RNF43: variants seen among roughly 807,000 people sequenced by gnomAD.
The protein encoded by RNF43 is ring finger protein 43.
In RNF43, 37 loss-of-function variants were observed where a neutral mutation model predicts 78.4. That is an observed-to-expected ratio of 0.47 (90% confidence interval 0.36 to 0.62). RNF43 has a LOEUF of 0.62. RNF43 is among the 20% of genes least tolerant of loss of function. The pLI is 0.00. For missense variants in RNF43, 774 were observed against 1,007.9 expected, an observed-to-expected ratio of 0.77 and a Z score of 3.14; for synonymous variants, 347 against 395.0, an observed-to-expected ratio of 0.88 and a Z score of 1.44.
intron 2 of RNF43, among the ~76,000 whole-genome samples, chr17:58,395,288 T>C (rs1427607250): frequency 6.6e-6 from 1 of 152,212 alleles, no homozygotes; most frequent in Non-Finnish European, 1.5e-5. Flanking sequence ...AATGGAAAGA[T>C]GATTGTCAAT....
chr17:58,368,248 T>C (rs1972997318), intron 3 of RNF43, among the ~76,000 whole-genome samples: 1 of 152,108 alleles, frequency 6.6e-6, no homozygotes, highest in Non-Finnish European at 1.5e-5. Context: ...AGTCACATTT[T>C]AAGAAAAACA....
chr17:58,376,889 T>C (rs114693700), intron 2 of RNF43, among the ~76,000 whole-genome samples: 3,299 of 152,234 alleles, frequency 0.022, 135 homozygotes, highest in African/African-American at 0.076. Context: ...AGGGGCAAAT[T>C]AAGAGGCACT....
Position 58,363,582 on chromosome 17 carries a change from G to A in RNF43, c.394C>T (p.Arg132Ter), listed in dbSNP as rs786205215. The change falls in exon 4 of 10, where the codon CGA becomes TGA. Residue 132 changes from arginine (R) to a stop codon, truncating the protein, a stop_gained. Transcript: ENST00000407977. LOFTEE classifies it high-confidence loss of function. ...LASKARMAGE[R>*]GASAVLFDIT... is the part of the protein sequence containing the mutation. ...TCAAAGAGGACAGCACTGGCTCCTC[G>A]CTCACCCGCCATCCGAGCCTGCAGA... The A allele has an allele frequency of 1.9e-6, 3 of 1,611,498 alleles. No individual in the cohort carries two copies. The highest frequency in any genetic ancestry group is 1.7e-6 in the Non-Finnish European group (2 of 1,178,198).
At chr17:58,383,339 G>C (rs1447335425) in intron 2 of RNF43, among the ~76,000 whole-genome samples, 1 of 152,070 alleles carries the variant, frequency 6.6e-6, no homozygotes, top group Non-Finnish European at 1.5e-5. Flanking sequence ...ACCCAGGCTA[G>C]AGTGTGGTGG....
At chr17:58,371,600 C>G (rs1973098798) in intron 2 of RNF43, among the ~76,000 whole-genome samples, 1 of 152,270 alleles carries the variant, frequency 6.6e-6, no homozygotes, top group South Asian at 2.1e-4. Context: ...GCTTCTCTCA[C>G]TAGCCCCTTT....
chr17:58,367,623 G>T (rs1453909468), intron 3 of RNF43, among the ~76,000 whole-genome samples: 2 of 152,194 alleles, frequency 1.3e-5, no homozygotes, highest in East Asian at 3.8e-4. Flanking sequence ...GTTCAGGCAT[G>T]AGGTGATAAG....
chr17:58,407,520 A>G (rs1411530279), intron 2 of RNF43, among the ~76,000 whole-genome samples: 2 of 152,242 alleles, frequency 1.3e-5, no homozygotes, highest in Admixed American at 6.5e-5. Flanking sequence ...TTTGTAAATT[A>G]AACACAGATT....
chr17:58,390,346 G>A (rs1024490154), intron 2 of RNF43, among the ~76,000 whole-genome samples: 3 of 152,140 alleles, frequency 2.0e-5, no homozygotes, highest in Non-Finnish European at 4.4e-5. Flanking sequence ...AGAATGTCAC[G>A]TGGCCCTATC....
chr17:58,416,825 C>T (rs932585413), intron 1 of RNF43, 192 bp downstream of exon 1: 1 of 152,144 alleles, frequency 6.6e-6, no homozygotes, highest in African/African-American at 2.4e-5. Flanking sequence ...AATGTGCACC[C>T]TTAAGTAAAT....
chr17:58,383,959 T>C (rs1848242509), intron 2 of RNF43, among the ~76,000 whole-genome samples: 2 of 152,194 alleles, frequency 1.3e-5, no homozygotes, highest in African/African-American at 4.8e-5. Context: ...AGACATTTGA[T>C]TCCACCACCC....
intron 2 of RNF43, among the ~76,000 whole-genome samples, chr17:58,382,387 T>C (rs1410672316): frequency 1.3e-5 from 2 of 152,234 alleles, no homozygotes; most frequent in Non-Finnish European, 2.9e-5. Context: ...GTGGTTGCTC[T>C]GTCATTTTAT....
At chr17:58,384,783 A>G (rs1182322448) in intron 2 of RNF43, among the ~76,000 whole-genome samples, 2 of 152,240 alleles carry the variant, frequency 1.3e-5, no homozygotes, top group Non-Finnish European at 2.9e-5. Context: ...CCAATGACAT[A>G]GAGAAATACT....
intron 2 of RNF43, among the ~76,000 whole-genome samples, chr17:58,381,913 A>AC (rs1348322528): frequency 6.6e-6 from 1 of 151,682 alleles, no homozygotes; most frequent in East Asian, 1.9e-4. Flanking sequence ...CTATAGAGAA[A>AC]AAAAATGGCA....
intron 2 of RNF43, among the ~76,000 whole-genome samples, chr17:58,410,065 G>T (rs182424460): frequency 3.1e-4 from 47 of 150,696 alleles, no homozygotes; most frequent in African/African-American, 1.1e-3. Context: ...TAGCCTGATG[G>T]GAGCAATAGC....
chr17:58,402,515 A>C (rs115576004), intron 2 of RNF43: 1 of 152,350 alleles, frequency 6.6e-6, no homozygotes, highest in African/African-American at 2.4e-5. Context: ...AGGTTCCGGA[A>C]AGGCTTGGAA....
intron 2 of RNF43, among the ~76,000 whole-genome samples, chr17:58,406,227 G>T (rs1380872089): frequency 1.3e-5 from 2 of 152,168 alleles, no homozygotes; most frequent in Non-Finnish European, 2.9e-5. Context: ...TCTTCTTAAT[G>T]GAATGTTCAG....
Position 58,357,554 on chromosome 17 carries a change from C to G in RNF43, c.2222G>C (p.Gly741Ala), listed in dbSNP as rs2143386284. 4 of 1,614,220 alleles carry G rather than the reference C, an allele frequency of 2.5e-6. No homozygotes were observed. The highest frequency in any genetic ancestry group is 3.4e-6 in the Non-Finnish European group (4 of 1,180,034). ...AGAACTCCATTCAGAAGGCCCCTCC[C>G]CAGGTGGATGTGGTTCCAGGGGCTG... is the stretch of plus-strand genomic sequence containing the variant. ...PRQPLEPHPP[G>A]EGPSEWSSDT... Residue 741 changes from glycine (G) to alanine (A), a missense_variant, in exon 9 of 10, where the codon GGG becomes GCG. Gly to Ala is a moderately conservative substitution (Grantham distance 60). Transcript: ENST00000407977. The surrounding 1 kb of genome is among the most constrained non-coding windows in gnomAD (Gnocchi z 4.5).
rs1972813655 is a variant in RNF43 at position 58,360,585 on chromosome 17, C to A, written c.849+198G>T. On this transcript the variant is annotated intron_variant, in intron 7 of 9. Transcript: ENST00000407977. This position sits in a 1 kb window ranked among gnomAD's most constrained non-coding sequence, Gnocchi z 4.3. ...AGCCTGGCACGTGGTACACTCTCAA[C>A]AAACAATAGTGCTCTTTCACTGGAA... 1.3e-5 allele frequency among the ~76,000 whole-genome samples: 2 copies of A among 152,244 alleles called. No homozygotes were observed. Among genetic ancestry groups the A allele is most frequent in the Non-Finnish European group, 2.9e-5 (2 of 68,044 alleles).
chr17:58,384,999 C>A (rs937909090), intron 2 of RNF43, among the ~76,000 whole-genome samples: 10 of 152,188 alleles, frequency 6.6e-5, no homozygotes, highest in African/African-American at 2.2e-4. Context: ...GATGCTACAG[C>A]AAGACAAACA....
Sources: allele counts gnomAD v4.1 joint callset (sites outside exome capture counted in the v4.1 genomes callset), GRCh38; gene constraint gnomAD v4.1.1; non-coding constraint Gnocchi (gnomAD v3.1); transcripts MANE v1.5; gene names NCBI Gene and HGNC (gene_info 2026-07-23, HGNC 2026-07-21).